LDLRAD4: variants seen among roughly 807,000 people sequenced by gnomAD.
LDLRAD4 encodes the protein low density lipoprotein receptor class A domain containing 4.
Under a neutral mutation model 17.0 loss-of-function variants are expected in LDLRAD4, and 5 were observed. That is an observed-to-expected ratio of 0.29 (90% confidence interval 0.15 to 0.62). LDLRAD4 has a LOEUF of 0.62. Ranked by LOEUF, LDLRAD4 falls within the 20% of genes least tolerant of loss-of-function variation. The pLI, the probability that LDLRAD4 is intolerant of heterozygous loss-of-function variation, is 0.84. For missense variants in LDLRAD4, 340 were observed against 424.7 expected (o/e 0.80, Z 1.75); for synonymous variants, 168 against 171.8 (o/e 0.98, Z 0.17).
At chr18:13,542,987 T>G (rs1296583744) in intron 3 of LDLRAD4, 1 of 152,218 alleles carries the variant, frequency 6.6e-6, no homozygotes, top group Non-Finnish European at 1.5e-5. Flanking sequence ...ATAAACGTGG[T>G]AAATATGGCC....
chr18:13,286,610 A>C (rs974003793), intron 1 of LDLRAD4, among the ~76,000 whole-genome samples: 1 of 152,182 alleles, frequency 6.6e-6, no homozygotes, highest in African/African-American at 2.4e-5. Context: ...TGGCGCCATG[A>C]GGTTTTGAAT....
At position 13,255,438 on chromosome 18, in the gene LDLRAD4, G is replaced by A. The variant is rs547035260; in HGVS notation, c.-466-22667G>A. Among the ~76,000 whole-genome samples the A allele has an allele frequency of 1.6e-3, 238 of 152,358 alleles. 1 individual carries two copies. Among genetic ancestry groups the A allele is most frequent in the African/African-American group, 5.4e-3 (223 of 41,588 alleles). ...AACTCTGTGCAAAGGCTGTGGGTGA[G>A]CGGTTGCCTGGAGTGGTCAAGGCCA... On this transcript the variant is annotated intron_variant, in intron 1 of 5. Transcript: ENST00000399848.
intron 3 of LDLRAD4, among the ~76,000 whole-genome samples, chr18:13,562,568 G>A (rs1352291452): frequency 3.3e-5 from 5 of 152,154 alleles, no homozygotes; most frequent in Admixed American, 6.5e-5. Flanking sequence ...CACCCACGCG[G>A]TCCGTCAGAG....
At chr18:13,606,179 A>C (rs369681671) in intron 3 of LDLRAD4, among the ~76,000 whole-genome samples, 1 of 152,220 alleles carries the variant, frequency 6.6e-6, no homozygotes, top group Admixed American at 6.5e-5. Flanking sequence ...ACTGGCCTCT[A>C]TAAAAACTTT....
intron 3 of LDLRAD4, among the ~76,000 whole-genome samples, chr18:13,610,078 G>T (rs1462435893): frequency 6.6e-6 from 1 of 152,102 alleles, no homozygotes; most frequent in Non-Finnish European, 1.5e-5. Context: ...TGAGACACTG[G>T]GGAATAGCTG....
intron 3 of LDLRAD4, among the ~76,000 whole-genome samples, chr18:13,605,169 T>G (rs564914078): frequency 9.5e-4 from 145 of 152,336 alleles, no homozygotes; most frequent in Admixed American, 1.4e-3. Flanking sequence ...AAAGACTTCT[T>G]GAGTTTTTAA....
intron 2 of LDLRAD4, chr18:13,426,113 A>G (rs2089914723): frequency 6.5e-6 from 1 of 152,738 alleles, no homozygotes; most frequent in African/African-American, 2.4e-5. Flanking sequence ...TCGGGGAAGA[A>G]CTGAACAGAA....
At chr18:13,267,502 G>A (rs767107443) in intron 1 of LDLRAD4, among the ~76,000 whole-genome samples, 2 of 152,238 alleles carry the variant, frequency 1.3e-5, no homozygotes, top group South Asian at 4.1e-4. Context: ...GGCATAGCCT[G>A]TGAATGCTAA....
intron 3 of LDLRAD4, among the ~76,000 whole-genome samples, chr18:13,608,545 C>T (rs979447892): frequency 3.3e-5 from 5 of 152,210 alleles, no homozygotes; most frequent in African/African-American, 1.2e-4. Flanking sequence ...ACTTACCATA[C>T]TTGGAGTGGC....
intron 1 of LDLRAD4, among the ~76,000 whole-genome samples, chr18:13,266,274 G>T (rs541308116): frequency 6.6e-6 from 1 of 152,184 alleles, no homozygotes; most frequent in African/African-American, 2.4e-5. Context: ...TACAGAGTCC[G>T]CATAAGCCCT....
chr18:13,477,340 C>T (rs1940908), intron 3 of LDLRAD4, among the ~76,000 whole-genome samples: 2 of 152,196 alleles, frequency 1.3e-5, no homozygotes, highest in Admixed American at 6.5e-5. Flanking sequence ...AATGCACGCT[C>T]ACCCGAGAAA....
At chr18:13,413,702 C>CA (rs1219615604) in intron 2 of LDLRAD4, among the ~76,000 whole-genome samples, 1 of 152,170 alleles carries the variant, frequency 6.6e-6, no homozygotes, top group African/African-American at 2.4e-5. Flanking sequence ...AGTGACCTAA[C>CA]GATTGCTGTG....
chr18:13,255,193 C>T (rs914676654), intron 1 of LDLRAD4, among the ~76,000 whole-genome samples: 8 of 151,984 alleles, frequency 5.3e-5, no homozygotes, highest in Admixed American at 2.6e-4. Context: ...GACAGATGCC[C>T]GCCCCCCCCA....
intron 1 of LDLRAD4, among the ~76,000 whole-genome samples, chr18:13,320,580 C>G (rs2081164258): frequency 1.3e-5 from 2 of 152,144 alleles, no homozygotes; most frequent in African/African-American, 4.8e-5. Context: ...AGAGCTCAGC[C>G]TGTAAGAAGG....
intron 3 of LDLRAD4, among the ~76,000 whole-genome samples, chr18:13,592,468 G>A (rs568264830): frequency 4.2e-4 from 64 of 152,310 alleles, no homozygotes; most frequent in African/African-American, 1.5e-3. Context: ...CTGAAGGCCA[G>A]AAAAAGGAGG....
chr18:13,479,454 C>G (rs1307419714), intron 3 of LDLRAD4, among the ~76,000 whole-genome samples: 1 of 152,166 alleles, frequency 6.6e-6, no homozygotes, highest in Non-Finnish European at 1.5e-5. Flanking sequence ...AACCCCATCT[C>G]TACTAAAAAT....
chr18:13,641,302 TAGAG>T (rs550262493), intron 4 of LDLRAD4, among the ~76,000 whole-genome samples: 3 of 151,212 alleles, frequency 2.0e-5, no homozygotes, highest in Admixed American at 6.6e-5. Flanking sequence ...GATAGGTAAA[TAGAG>T]AGAGAGAGAG....
chr18:13,403,723 G>T (rs1177942758), intron 2 of LDLRAD4, among the ~76,000 whole-genome samples: 1 of 152,188 alleles, frequency 6.6e-6, no homozygotes, highest in Admixed American at 6.5e-5. Context: ...TAAAATCCTC[G>T]TGGGACTGCG....
chr18:13,350,531 C>T (rs2082978449), intron 1 of LDLRAD4, among the ~76,000 whole-genome samples: 2 of 152,114 alleles, frequency 1.3e-5, no homozygotes, highest in Non-Finnish European at 2.9e-5. Context: ...CTTGTAGATT[C>T]TGGATATTAG....
Sources: gnomAD v4.1 joint callset for allele counts (sites outside exome capture counted in the v4.1 genomes callset) on GRCh38, gnomAD v4.1.1 for gene constraint, MANE v1.5 for transcripts, NCBI Gene and HGNC (gene_info 2026-07-23, HGNC 2026-07-21) for gene names.